The following CATSPERD variants were observed in gnomAD, a reference collection of about 807,000 sequenced individuals.
The protein encoded by CATSPERD is cation channel sperm-associated auxiliary subunit delta.
A neutral mutation model predicts 98.1 loss-of-function variants in CATSPERD; 86 were observed. The observed-to-expected ratio is 0.88, with a 90% confidence interval of 0.74 to 1.05. The LOEUF is 1.05. Among genes scored for constraint, CATSPERD ranks in the 50% least tolerant of loss-of-function variants. CATSPERD has a pLI of 0.00. For missense variants in CATSPERD, 995 were observed against 1,005.7 expected (o/e 0.99, Z 0.14); for synonymous variants, 394 against 390.2 (o/e 1.01, Z -0.12).
At chr19:5,734,874 C>A (rs1369891227) in intron 5 of CATSPERD, among the ~76,000 whole-genome samples, 1 of 151,718 alleles carries the variant, frequency 6.6e-6, no homozygotes, top group African/African-American at 2.4e-5. Flanking sequence ...CCAGGGAAAA[C>A]TGAGGATGAC....
intron 18 of CATSPERD, among the ~76,000 whole-genome samples, chr19:5,770,416 A>T (rs1360381063): frequency 6.7e-6 from 1 of 149,560 alleles, no homozygotes; most frequent in South Asian, 2.1e-4. Flanking sequence ...GGCAACAAGA[A>T]TGAAACTCCG....
intron 9 of CATSPERD, among the ~76,000 whole-genome samples, chr19:5,746,462 T>A (rs2056095704): frequency 2.0e-5 from 3 of 151,938 alleles, no homozygotes. Context: ...GGAGTCTCAC[T>A]CTGTCGCCCA....
chr19:5,774,557 T>G (rs1450368189), intron 20 of CATSPERD, among the ~76,000 whole-genome samples: 1 of 151,504 alleles, frequency 6.6e-6, no homozygotes, highest in Non-Finnish European at 1.5e-5. Flanking sequence ...GGCATAGTGG[T>G]GCACGCCTGT....
intron 9 of CATSPERD, among the ~76,000 whole-genome samples, chr19:5,747,169 CTTTTTTTTTT>C (rs748726369): frequency 9.5e-6 from 1 of 105,774 alleles, no homozygotes; most frequent in East Asian, 2.4e-4. Flanking sequence ...AATGGTTTCC[CTTTTTTTTTT>C]TTTTTTTTTT....
chr19:5,724,191 G>A (rs916433761), intron 1 of CATSPERD, among the ~76,000 whole-genome samples: 4 of 151,888 alleles, frequency 2.6e-5, no homozygotes, highest in African/African-American at 9.7e-5. Flanking sequence ...CTCCCAAAGC[G>A]CTGGGATTAC....
intron 19 of CATSPERD, among the ~76,000 whole-genome samples, chr19:5,771,285 G>A (rs2056639907): frequency 6.6e-6 from 1 of 152,184 alleles, no homozygotes; most frequent in Admixed American, 6.5e-5. Context: ...GTCTTGCTCT[G>A]TCGCCTAGGA....
chr19:5,732,655 G>T (rs2055750222), intron 4 of CATSPERD, among the ~76,000 whole-genome samples: 1 of 151,550 alleles, frequency 6.6e-6, no homozygotes, highest in Non-Finnish European at 1.5e-5. Flanking sequence ...GATGGAAAAT[G>T]GTGTTTTTTG....
chr19:5,775,672 GAAAA>G (rs1329169396), intron 20 of CATSPERD, among the ~76,000 whole-genome samples: 1 of 140,002 alleles, frequency 7.1e-6, no homozygotes, highest in Non-Finnish European at 1.5e-5. Context: ...AAAAAAGAAA[GAAAA>G]GAAAGAAAGA....
intron 7 of CATSPERD, among the ~76,000 whole-genome samples, chr19:5,742,764 G>A (rs1359804136): frequency 1.3e-5 from 2 of 152,120 alleles, no homozygotes; most frequent in African/African-American, 2.4e-5. Flanking sequence ...ACTCTAGCCT[G>A]GGGGACGGAG....
intron 7 of CATSPERD, among the ~76,000 whole-genome samples, chr19:5,740,434 A>C (rs1356618548): frequency 6.6e-6 from 1 of 151,412 alleles, no homozygotes; most frequent in East Asian, 1.9e-4. Flanking sequence ...CTAAAAATAC[A>C]AAATTAGCTG....
intron 11 of CATSPERD, among the ~76,000 whole-genome samples, chr19:5,751,232 A>G (rs1170961879): frequency 1.8e-5 from 2 of 108,614 alleles, no homozygotes; most frequent in African/African-American, 3.4e-5. Flanking sequence ...AAAAAAAAAA[A>G]AAAAAAAAAA....
chr19:5,754,014 G>T (rs532602027), intron 12 of CATSPERD, 118 bp from the exon 13 acceptor site: 1 of 709,162 alleles, frequency 1.4e-6, no homozygotes, highest in Non-Finnish European at 2.5e-6. Context: ...GAAGACAGAG[G>T]CACAAGTGGA....
At chr19:5,744,326 A>T (rs2056054429) in intron 7 of CATSPERD, 101 bp from the exon 8 acceptor site, 1 of 1,027,942 alleles carries the variant, frequency 9.7e-7, no homozygotes, top group Admixed American at 2.1e-5. Flanking sequence ...TCTAAAAAAG[A>T]CTTTCCTTCA....
At position 5,776,282 on chromosome 19, in the gene CATSPERD, T is replaced by C. The variant is rs1443238521; in HGVS notation, c.2063T>C (p.Val688Ala). ...ATTTTCGGCCACAATGGCTTTTATG[T>C]CTTCTACATTTCGATCGTGGATCCG... ...QIIFGHNGFYVFYISIVDPYY... is the reference protein window; with the variant it reads ...QIIFGHNGFYAFYISIVDPYY... Residue 688 changes from valine to alanine, a missense_variant, in exon 21 of 22, where the codon GTC (valine) becomes GCC (alanine). Val to Ala is a moderately conservative substitution (Grantham distance 64). Around this residue, in one of 3 missense-constraint regions of CATSPERD, gnomAD observed 762 missense variants for 773.7 expected, o/e 0.98. Coordinates refer to ENST00000381624, the MANE Select transcript of CATSPERD (RefSeq NM_152784.4). 2 of 1,614,156 alleles carry C rather than the reference T, an allele frequency of 1.2e-6. No homozygotes were observed. Among genetic ancestry groups the C allele is most frequent in the South Asian group, 1.1e-5 (1 of 91,086 alleles).
intron 6 of CATSPERD, 25 bp downstream of exon 6, chr19:5,737,230 ATT>A: frequency 8.1e-6 from 12 of 1,487,102 alleles, no homozygotes; most frequent in East Asian, 2.3e-5. Context: ...ATAATTGTTC[ATT>A]TTTTTTTGCT....
At chr19:5,772,531 G>C in intron 19 of CATSPERD, 1 of 447,938 alleles carries the variant, frequency 2.2e-6, no homozygotes, top group Middle Eastern at 6.2e-4. Context: ...CTAGCTCCGA[G>C]CAGACTTTTC....
At chr19:5,750,851 C>T (rs1287394167) in intron 11 of CATSPERD, among the ~76,000 whole-genome samples, 2 of 151,896 alleles carry the variant, frequency 1.3e-5, no homozygotes, top group African/African-American at 2.4e-5. Context: ...CCCTTCTTTC[C>T]TTTCTTCCTT....
intron 6 of CATSPERD, among the ~76,000 whole-genome samples, chr19:5,738,043 C>T (rs531922562): frequency 2.6e-4 from 40 of 151,954 alleles, no homozygotes; most frequent in East Asian, 2.5e-3. Flanking sequence ...CTTTGAACAA[C>T]GTATAGGTTA....
At chr19:5,764,922 A>T (rs1315662669) in intron 16 of CATSPERD, among the ~76,000 whole-genome samples, 1 of 150,842 alleles carries the variant, frequency 6.6e-6, no homozygotes, top group African/African-American at 2.4e-5. Context: ...GCTGTTTTTT[A>T]TTTGTAGGTA....
Sources: allele counts gnomAD v4.1 joint callset (sites outside exome capture counted in the v4.1 genomes callset), GRCh38; gene constraint gnomAD v4.1.1; regional missense constraint gnomAD v4.1.1; transcripts MANE v1.5; gene names NCBI Gene and HGNC (gene_info 2026-07-23, HGNC 2026-07-21).